The following ARHGAP23 variants were observed in gnomAD, a reference collection of about 807,000 sequenced individuals.
The protein encoded by ARHGAP23 is rho GTPase-activating protein 23.
In ARHGAP23, 34 loss-of-function variants were observed where a neutral mutation model predicts 136.3. The ratio of observed to expected loss-of-function variants is 0.25; its 90% CI spans 0.19 to 0.33. ARHGAP23 has a LOEUF of 0.33. Ranked by LOEUF, ARHGAP23 falls within the 10% of genes least tolerant of loss-of-function variation. ARHGAP23 has a pLI of 1.00. For synonymous variants in ARHGAP23, 832 were observed against 920.5 expected (o/e 0.90, Z 1.74); for missense variants, 1,808 against 2,139.0 (o/e 0.85, Z 3.05).
rs958502547 is a variant in ARHGAP23 at position 38,469,220 on chromosome 17, C to T, written c.1725C>T (p.Asn575=). Residue 575 remains asparagine, a synonymous_variant, in exon 8 of 24, where the codon AAC becomes AAT. Coordinates refer to ENST00000622683, the MANE Select transcript of ARHGAP23 (RefSeq NM_001199417.2). ...CTGCTGTGGTCTCCAGTGCCATGAA[C>T]TCAGCCCCTGTCCTGGGCACCAGCC... is the stretch of plus-strand genomic sequence containing the variant. ...PASAVVSSAM[N]SAPVLGTSPS... is the part of the protein sequence containing the mutation. 1.9e-6 allele frequency: 3 copies of T among 1,551,578 alleles called. No homozygotes were observed. Among genetic ancestry groups the T allele is most frequent in the African/African-American group, 1.4e-5 (1 of 73,042 alleles).
intron 1 of ARHGAP23, among the ~76,000 whole-genome samples, chr17:38,441,154 C>T (rs950374144): frequency 1.3e-5 from 2 of 152,244 alleles, no homozygotes; most frequent in Non-Finnish European, 2.9e-5. Context: ...CTGCCTGCTG[C>T]TGTGTATTTG....
At chr17:38,489,893 A>G in intron 17 of ARHGAP23, 1 of 583,194 alleles carries the variant, frequency 1.7e-6, no homozygotes, top group South Asian at 2.1e-5. Context: ...ACCCCAGGTC[A>G]GGTGCACACC....
chr17:38,461,604 TTC>T (rs2039462450), intron 3 of ARHGAP23, among the ~76,000 whole-genome samples: 2 of 152,318 alleles, frequency 1.3e-5, no homozygotes, highest in South Asian at 4.1e-4. Flanking sequence ...AGCGGCCCAT[TTC>T]TCTGTTAGCT....
At chr17:38,445,491 T>C (rs117583593) in intron 1 of ARHGAP23, among the ~76,000 whole-genome samples, 1 of 151,282 alleles carries the variant, frequency 6.6e-6, no homozygotes. Context: ...TCTGAAAAAA[T>C]ATATATATAT....
chr17:38,499,099 C>T (rs1235974894), intron 22 of ARHGAP23: 2 of 641,770 alleles, frequency 3.1e-6, no homozygotes, highest in African/African-American at 1.8e-5. Context: ...ATCCACTTAC[C>T]CCAGCAGTCC....
rs1461027176 is a variant in ARHGAP23 at position 38,510,388 on chromosome 17, G to A, written c.3892G>A (p.Gly1298Arg). 2 of 1,242,338 alleles carry A rather than the reference G, an allele frequency of 1.6e-6. No individual in the cohort carries two copies. Among genetic ancestry groups the A allele is most frequent in the Non-Finnish European group, 1.0e-6 (1 of 994,572 alleles). 77.0% of individuals were successfully genotyped at this position (1,242,338 alleles called of 1,614,324 possible). A position where few individuals can be genotyped will look rare whatever the true frequency, so the allele number is the denominator to read the frequency against. Reference protein sequence around the residue: ...DTEGAAGAGPGGRLTRRPSFS... With the variant: ...DTEGAAGAGPRGRLTRRPSFS... ...TGAGGGCGCGGCGGGCGCGGGGCCT[G>A]GGGGGCGCCTGACACGCCGGCCGTC... The change falls in exon 24 of 24, where the codon GGG becomes AGG. Residue 1298 changes from glycine to arginine, a missense_variant. This residue lies in a region of ARHGAP23 where 506 missense variants were observed against 455.8 expected (regional missense o/e 1.11). Coordinates refer to ENST00000622683, the MANE Select transcript of ARHGAP23 (RefSeq NM_001199417.2). This position sits in a 1 kb window ranked among gnomAD's most constrained non-coding sequence, Gnocchi z 4.6.
upstream of ARHGAP23, among the ~76,000 whole-genome samples, chr17:38,426,572 A>AT (rs1567767223): frequency 1.3e-5 from 2 of 149,280 alleles, no homozygotes; most frequent in African/African-American, 5.0e-5. Flanking sequence ...AAAAAAAAAA[A>AT]TCCAGGCAGT....
At chr17:38,484,064 A>G (rs1286386859) in intron 16 of ARHGAP23, among the ~76,000 whole-genome samples, 1 of 152,170 alleles carries the variant, frequency 6.6e-6, no homozygotes, top group East Asian at 1.9e-4. Flanking sequence ...CATCGTGAGA[A>G]CAAAGTTCAA....
intron 1 of ARHGAP23, among the ~76,000 whole-genome samples, chr17:38,442,949 T>G (rs1401332462): frequency 6.6e-6 from 1 of 152,176 alleles, no homozygotes; most frequent in Non-Finnish European, 1.5e-5. Flanking sequence ...CAGAGTCTAC[T>G]CCGATGGGGG....
At chr17:38,421,784 G>A (rs1476317225) in intron 1 of ARHGAP23, among the ~76,000 whole-genome samples, 1 of 152,252 alleles carries the variant, frequency 6.6e-6, no homozygotes, top group Non-Finnish European at 1.5e-5. Context: ...GGGCCAGACA[G>A]AGGAGAGGGG....
At chr17:38,473,115 T>G (rs966383255) in intron 11 of ARHGAP23, among the ~76,000 whole-genome samples, 1 of 151,326 alleles carries the variant, frequency 6.6e-6, no homozygotes, top group African/African-American at 2.4e-5. Context: ...TTTTTTTTTT[T>G]TTTTTTTTGT....
At chr17:38,506,312 C>T (rs1437685128) in intron 23 of ARHGAP23, among the ~76,000 whole-genome samples, 1 of 152,134 alleles carries the variant, frequency 6.6e-6, no homozygotes, top group Non-Finnish European at 1.5e-5. Context: ...TGTAACTTGC[C>T]CCAGGTCTCA....
intron 8 of ARHGAP23, 95 bp downstream of exon 8, chr17:38,469,394 C>G: frequency 6.8e-7 from 1 of 1,471,924 alleles, no homozygotes; most frequent in South Asian, 1.4e-5. Flanking sequence ...TGGCCTCTTC[C>G]TCTGGTTTCC....
At chr17:38,420,249 C>G (rs1448161171) in intron 1 of ARHGAP23, among the ~76,000 whole-genome samples, 3 of 152,206 alleles carry the variant, frequency 2.0e-5, no homozygotes, top group African/African-American at 7.2e-5. Context: ...CTAAGAGAAG[C>G]CAGCAGCCTG....
intron 16 of ARHGAP23, among the ~76,000 whole-genome samples, chr17:38,485,655 C>T (rs557586743): frequency 1.7e-4 from 26 of 152,054 alleles, no homozygotes; most frequent in African/African-American, 4.8e-4. Context: ...TGTGTGGAGG[C>T]GGGGAGGAAA....
chr17:38,438,477 G>A (rs574889404), intron 1 of ARHGAP23, among the ~76,000 whole-genome samples: 1 of 152,284 alleles, frequency 6.6e-6, no homozygotes, highest in East Asian at 1.9e-4. Context: ...ACAAGGCCCA[G>A]AATAGAGGGA....
Position 38,479,743 on chromosome 17 carries a change from T to C in ARHGAP23, c.2499-10T>C, listed in dbSNP as rs545152747. 2.1e-5 allele frequency: 31 copies of C among 1,467,880 alleles called. No individual in the cohort carries two copies. The East Asian group carries it at 7.2e-4, about 34-fold the overall frequency. The allele number at this position is 1,467,880 out of a possible 1,614,324, so 90.9% of individuals were successfully genotyped here. On this transcript the variant is annotated splice_polypyrimidine_tract_variant and intron_variant, in intron 13 of 23. Coordinates refer to ENST00000622683, the MANE Select transcript of ARHGAP23 (RefSeq NM_001199417.2). ...TGAAGACCTCTCCTCTCCCCCTTTT[T>C]CCTACACAGCCATAGCTCTGGGCCC...
intron 16 of ARHGAP23, among the ~76,000 whole-genome samples, chr17:38,483,189 C>G (rs1282352667): frequency 6.6e-6 from 1 of 152,198 alleles, no homozygotes; most frequent in Non-Finnish European, 1.5e-5. Context: ...ATACTTAGCT[C>G]AAGGGCCATC....
chr17:38,474,022 G>A (rs1177714707), intron 11 of ARHGAP23, among the ~76,000 whole-genome samples: 5 of 152,174 alleles, frequency 3.3e-5, no homozygotes, highest in Non-Finnish European at 4.4e-5. Context: ...CCAGGTTCAA[G>A]CAATTCTTGA....
Sources: allele counts gnomAD v4.1 joint callset (sites outside exome capture counted in the v4.1 genomes callset), GRCh38; gene constraint gnomAD v4.1.1; regional missense constraint gnomAD v4.1.1; non-coding constraint Gnocchi (gnomAD v3.1); transcripts MANE v1.5; gene names NCBI Gene and HGNC (gene_info 2026-07-23, HGNC 2026-07-21).